MCTP2: variants seen among roughly 807,000 people sequenced by gnomAD.
The protein encoded by MCTP2 is multiple C2 and transmembrane domain containing 2.
A neutral mutation model predicts 111.6 loss-of-function variants in MCTP2; 132 were observed. That is an observed-to-expected ratio of 1.18 (90% CI 1.03 to 1.37). The LOEUF (loss-of-function observed/expected upper bound fraction) is 1.37, where lower values mean the gene tolerates loss of function less well. Ranked by LOEUF, MCTP2 falls within the 40% of genes most tolerant of loss-of-function variation. The probability of loss-of-function intolerance (pLI) is 0.00; values close to 1 mark genes in which losing one functional copy is unlikely to be tolerated. For missense variants in MCTP2, 1,183 were observed against 1,067.9 expected (o/e 1.11, Z -1.50); for synonymous variants, 395 against 387.7 (o/e 1.02, Z -0.22).
chr15:94,238,134 A>G (rs1270389050), intron 1 of MCTP2, among the ~76,000 whole-genome samples: 2 of 152,162 alleles, frequency 1.3e-5, no homozygotes, highest in Non-Finnish European at 2.9e-5. Context: ...GTCACGGGCC[A>G]TGGTCACTCA....
chr15:94,354,273 C>T (rs74954120), intron 8 of MCTP2, among the ~76,000 whole-genome samples: 4,255 of 152,164 alleles, frequency 0.028, 192 homozygotes, highest in African/African-American at 0.094. Context: ...AGAGAAAAGT[C>T]ACATGGATAT....
chr15:94,410,094 T>C (rs1210745577), intron 17 of MCTP2, among the ~76,000 whole-genome samples: 1 of 152,154 alleles, frequency 6.6e-6, no homozygotes, highest in Non-Finnish European at 1.5e-5. Context: ...CATGGAAATA[T>C]TTTAAAAACA....
chr15:94,264,090 C>T (rs917508236), intron 1 of MCTP2, among the ~76,000 whole-genome samples: 2 of 152,176 alleles, frequency 1.3e-5, no homozygotes, highest in East Asian at 3.9e-4. Context: ...ACAGTCCCTA[C>T]TTCCACTTGA....
chr15:94,305,568 T>A (rs1048822564), intron 2 of MCTP2, among the ~76,000 whole-genome samples: 1 of 152,204 alleles, frequency 6.6e-6, no homozygotes, highest in Non-Finnish European at 1.5e-5. Flanking sequence ...TAGAAGTCAG[T>A]CTCTCTTGTT....
chr15:94,258,185 A>T (rs899751637), intron 1 of MCTP2, among the ~76,000 whole-genome samples: 1 of 151,930 alleles, frequency 6.6e-6, no homozygotes. Flanking sequence ...CACATATTGA[A>T]CATTTATGTG....
intron 12 of MCTP2, among the ~76,000 whole-genome samples, chr15:94,372,820 A>G (rs2079559083): frequency 6.6e-6 from 1 of 152,140 alleles, no homozygotes; most frequent in African/African-American, 2.4e-5. Flanking sequence ...GACATTCTCT[A>G]AAGAATGATG....
At chr15:94,402,998 A>G in intron 17 of MCTP2, 1 of 996,026 alleles carries the variant, frequency 1.0e-6, no homozygotes, top group Non-Finnish European at 1.2e-6. Flanking sequence ...ATGGGGGAAA[A>G]AAAACATTTA....
chr15:94,315,087 T>C (rs2152364155), intron 3 of MCTP2, among the ~76,000 whole-genome samples: 1 of 152,070 alleles, frequency 6.6e-6, no homozygotes, highest in African/African-American at 2.4e-5. Context: ...TGGGGGTTGG[T>C]GGGAAGGGTG....
rs1351756670 is a variant in MCTP2 at position 94,262,539 on chromosome 15, A to G, written c.-66+30875A>G. 5.3e-5 allele frequency among the ~76,000 whole-genome samples: 8 copies of G among 152,346 alleles called. No individual in the cohort carries two copies. In the Middle Eastern group the frequency reaches 0.014, roughly 259 times the overall value. On this transcript the variant is annotated intron_variant, in intron 1 of 22. Transcript: ENST00000357742. ...GCTGCAATGTCTATATTTTCGATTTAGTATACATTTAAAATATTGCTTCTC... is the reference window on the plus strand; with the variant it reads ...GCTGCAATGTCTATATTTTCGATTTGGTATACATTTAAAATATTGCTTCTC...
chr15:94,270,886 C>T (rs2073872133), intron 1 of MCTP2, among the ~76,000 whole-genome samples: 4 of 152,172 alleles, frequency 2.6e-5, no homozygotes, highest in Admixed American at 2.6e-4. Flanking sequence ...CCAAGTAGTA[C>T]ATAACTTTCA....
chr15:94,245,498 T>TCA (rs1567265851), intron 1 of MCTP2, among the ~76,000 whole-genome samples: 13 of 140,812 alleles, frequency 9.2e-5, no homozygotes, highest in African/African-American at 2.8e-4. Context: ...ATGTATGTAT[T>TCA]TATATATGTA....
At chr15:94,247,077 G>A (rs1052458422) in intron 1 of MCTP2, among the ~76,000 whole-genome samples, 3 of 152,286 alleles carry the variant, frequency 2.0e-5, no homozygotes, top group Admixed American at 2.0e-4. Context: ...TGTAGGAAGA[G>A]TTTATTAATT....
intron 1 of MCTP2, among the ~76,000 whole-genome samples, chr15:94,235,910 A>G (rs149850870): frequency 7.2e-5 from 11 of 152,366 alleles, no homozygotes; most frequent in Admixed American, 1.3e-4. Context: ...CTGTTTAACA[A>G]TCGTAGTCAT....
chr15:94,364,540 T>G (rs1183351832), intron 10 of MCTP2, among the ~76,000 whole-genome samples: 1 of 152,178 alleles, frequency 6.6e-6, no homozygotes, highest in East Asian at 1.9e-4. Flanking sequence ...GTTAAAGGTG[T>G]CTTTGATTAA....
intron 4 of MCTP2, among the ~76,000 whole-genome samples, chr15:94,334,018 G>A (rs1462173622): frequency 1.3e-5 from 2 of 152,154 alleles, no homozygotes; most frequent in Non-Finnish European, 2.9e-5. Flanking sequence ...ACAAATTAGT[G>A]TACATTAACT....
chr15:94,239,641 G>C (rs1456296479), intron 1 of MCTP2, among the ~76,000 whole-genome samples: 2 of 152,202 alleles, frequency 1.3e-5, no homozygotes, highest in Non-Finnish European at 2.9e-5. Context: ...GTTGCCTTCA[G>C]CATTTTAGGC....
rs2152457063 is a variant in MCTP2 at position 94,385,911 on chromosome 15, AG to A, written c.1788+387del. 1.3e-5 allele frequency among the ~76,000 whole-genome samples: 2 copies of A among 152,336 alleles called. 1 individual carries two copies. The highest frequency in any genetic ancestry group is 4.1e-4 in the South Asian group (2 of 4,828). On this transcript the variant is annotated intron_variant, in intron 14 of 22. Coordinates refer to ENST00000357742, the MANE Select transcript of MCTP2 (RefSeq NM_001385001.1). ...AGCTCCTTACTGTACATTTCTTCAA[AG>A]ATTAATTGTTGGTAACTGCACATTT... is the stretch of plus-strand genomic sequence containing the variant.
intron 2 of MCTP2, among the ~76,000 whole-genome samples, chr15:94,311,227 A>G (rs1006300693): frequency 7.2e-5 from 11 of 151,780 alleles, no homozygotes; most frequent in African/African-American, 2.4e-4. Context: ...GGGGTTTGCC[A>G]TGTTGGCCAG....
intron 1 of MCTP2, among the ~76,000 whole-genome samples, chr15:94,243,196 C>T (rs377183048): frequency 1.4e-5 from 2 of 147,294 alleles, no homozygotes; most frequent in African/African-American, 2.5e-5. Context: ...TGCGTATATA[C>T]GTATGCGTAT....
Sources: gnomAD v4.1 joint callset for allele counts (sites outside exome capture counted in the v4.1 genomes callset) on GRCh38, gnomAD v4.1.1 for gene constraint, MANE v1.5 for transcripts, NCBI Gene and HGNC (gene_info 2026-07-23, HGNC 2026-07-21) for gene names.